The following CTDSPL2 variants were observed in gnomAD, a reference collection of about 807,000 sequenced individuals.
The protein encoded by CTDSPL2 is CTD small phosphatase-like protein 2.
Under a neutral mutation model 60.0 loss-of-function variants are expected in CTDSPL2, and 5 were observed. That is an observed-to-expected ratio of 0.08 (90% CI 0.04 to 0.18). The LOEUF (loss-of-function observed/expected upper bound fraction) is 0.18, where lower values mean the gene tolerates loss of function less well. Among genes scored for constraint, CTDSPL2 ranks in the 10% least tolerant of loss-of-function variants. The pLI is 1.00. For missense variants in CTDSPL2, 370 were observed against 548.8 expected, an observed-to-expected ratio of 0.67 and a Z score of 3.26; for synonymous variants, 186 against 189.3, an observed-to-expected ratio of 0.98 and a Z score of 0.14.
intron 5 of CTDSPL2, among the ~76,000 whole-genome samples, chr15:44,494,066 A>G (rs2140814401): frequency 1.3e-5 from 2 of 152,320 alleles, no homozygotes; most frequent in East Asian, 3.9e-4. Flanking sequence ...CTATAGAAAG[A>G]CTATAGAAAT....
chr15:44,437,077 C>T (rs1034741537), intron 1 of CTDSPL2, among the ~76,000 whole-genome samples: 10 of 152,290 alleles, frequency 6.6e-5, no homozygotes, highest in Non-Finnish European at 1.2e-4. Flanking sequence ...ACAGTTTTGA[C>T]TGCATTTTGA....
intron 2 of CTDSPL2, among the ~76,000 whole-genome samples, chr15:44,483,269 A>G (rs1019102236): frequency 2.0e-5 from 3 of 151,896 alleles, no homozygotes; most frequent in African/African-American, 7.2e-5. Context: ...TCTCAAAAAA[A>G]AAAAAAAGAA....
chr15:44,456,881 T>TTTTTTTTTTTTTTTTTTTTTTTG (rs2080457745), intron 1 of CTDSPL2, among the ~76,000 whole-genome samples: 1 of 146,114 alleles, frequency 6.8e-6, no homozygotes, highest in African/African-American at 2.6e-5. Context: ...TTTTTTTGTT[T>TTTTTTTTTTTTTTTTTTTTTTTG]TTTTTTCTTT....
chr15:44,478,861 A>T (rs2080971777), intron 2 of CTDSPL2, among the ~76,000 whole-genome samples: 1 of 152,096 alleles, frequency 6.6e-6, no homozygotes, highest in Admixed American at 6.6e-5. Flanking sequence ...AGGCACCTGT[A>T]ATCCCAGCTA....
chr15:44,493,637 A>C (rs971854005), intron 5 of CTDSPL2, among the ~76,000 whole-genome samples: 57 of 152,064 alleles, frequency 3.7e-4, no homozygotes, highest in African/African-American at 1.4e-3. Context: ...CTACAAAAAC[A>C]ACAACAAAAA....
chr15:44,506,797 C>T (rs1022036215), intron 8 of CTDSPL2, among the ~76,000 whole-genome samples: 12 of 151,758 alleles, frequency 7.9e-5, no homozygotes, highest in African/African-American at 1.9e-4. Flanking sequence ...GACAGAGTCT[C>T]GCTCTGTCGC....
intron 2 of CTDSPL2, among the ~76,000 whole-genome samples, chr15:44,483,748 G>GAGGT (rs2081071354): frequency 6.6e-6 from 1 of 152,094 alleles, no homozygotes; most frequent in Non-Finnish European, 1.5e-5. Flanking sequence ...TTGAATAATT[G>GAGGT]AGGTAGGCAG....
rs528415278 is a variant in CTDSPL2, at chr15:44,488,498, G to C, written c.475+1798G>C. Among the ~76,000 whole-genome samples, 8 of 152,234 alleles carry C rather than the reference G, an allele frequency of 5.3e-5. No homozygotes were observed. The East Asian group carries it at 1.5e-3, about 29-fold the overall frequency. On this transcript the variant is annotated intron_variant, in intron 4 of 12. Coordinates refer to ENST00000260327, the MANE Select transcript of CTDSPL2 (RefSeq NM_016396.3). ...GTAATTTGGACCATGCTGAGTTTGA[G>C]ATGCCATGAAATATTTAAATAAAAA...
chr15:44,428,660 T>A (rs2079796319), intron 1 of CTDSPL2, among the ~76,000 whole-genome samples: 1 of 152,234 alleles, frequency 6.6e-6, no homozygotes, highest in African/African-American at 2.4e-5. Context: ...TTTATCTTCC[T>A]AATGCTGGTA....
At chr15:44,487,376 A>G (rs560875220) in intron 4 of CTDSPL2, among the ~76,000 whole-genome samples, 5 of 152,284 alleles carry the variant, frequency 3.3e-5, no homozygotes, top group South Asian at 2.1e-4. Context: ...GAATGCTTCA[A>G]TCCAGCAGTT....
intron 10 of CTDSPL2, among the ~76,000 whole-genome samples, chr15:44,516,018 C>T (rs1278125940): frequency 7.2e-6 from 1 of 139,394 alleles, no homozygotes; most frequent in African/African-American, 2.7e-5. Context: ...GATTCTCACT[C>T]TGTTGCCCAG....
rs184634803 is a variant in CTDSPL2 at position 44,494,444 on chromosome 15, C to T, written c.692-1936C>T. Among the ~76,000 whole-genome samples the T allele has an allele frequency of 1.7e-3, 257 of 151,850 alleles. 1 individual carries two copies. The highest frequency in any genetic ancestry group is 6.0e-3 in the African/African-American group (249 of 41,422). ...AGCATAACAAGATACTTTTTTGTCT[C>T]CACAAAAAAATTTTTAAAAATAATC... On this transcript the variant is annotated intron_variant, in intron 5 of 12. Transcript: ENST00000260327.
chr15:44,515,986 C>CTTTTTTTTTT (rs562541301), intron 10 of CTDSPL2, among the ~76,000 whole-genome samples: 2 of 132,974 alleles, frequency 1.5e-5, no homozygotes, highest in African/African-American at 2.8e-5. Flanking sequence ...CTTTCTTTTT[C>CTTTTTTTTTT]TTTTTTTTTT....
At chr15:44,508,966 C>A (rs1172843914) in intron 8 of CTDSPL2, among the ~76,000 whole-genome samples, 1 of 152,044 alleles carries the variant, frequency 6.6e-6, no homozygotes, top group Non-Finnish European at 1.5e-5. Flanking sequence ...GCCTAAAAAT[C>A]ATTTAGAAAT....
intron 1 of CTDSPL2, among the ~76,000 whole-genome samples, chr15:44,439,544 G>T (rs373103045): frequency 7.6e-4 from 98 of 128,858 alleles, no homozygotes; most frequent in East Asian, 2.7e-3. Flanking sequence ...TGTTTTTTTT[G>T]GGGGGGGGGG....
At chr15:44,500,084 G>A (rs1033006667) in intron 8 of CTDSPL2, among the ~76,000 whole-genome samples, 3 of 152,166 alleles carry the variant, frequency 2.0e-5, no homozygotes, top group African/African-American at 7.2e-5. Flanking sequence ...GGTGGAGGCA[G>A]GAGCACTGAC....
At chr15:44,512,548 G>T (rs2081584241) in intron 8 of CTDSPL2, among the ~76,000 whole-genome samples, 1 of 152,132 alleles carries the variant, frequency 6.6e-6, no homozygotes, top group African/African-American at 2.4e-5. Context: ...AAATGATTTT[G>T]TTAGTAAAAT....
At chr15:44,479,272 T>G (rs2080980785) in intron 2 of CTDSPL2, among the ~76,000 whole-genome samples, 2 of 152,012 alleles carry the variant, frequency 1.3e-5, no homozygotes, top group Non-Finnish European at 2.9e-5. Context: ...GGTATAATCT[T>G]TTGTTTACTC....
At chr15:44,521,560 A>G (rs538290594) in intron 12 of CTDSPL2, among the ~76,000 whole-genome samples, 154 bp downstream of exon 12, 104 of 152,310 alleles carry the variant, frequency 6.8e-4, no homozygotes, top group Admixed American at 1.1e-3. Context: ...AGTGCCAGCT[A>G]CTTTAGAGTC....
Sources: gnomAD v4.1 joint callset for allele counts (sites outside exome capture counted in the v4.1 genomes callset) on GRCh38, gnomAD v4.1.1 for gene constraint, MANE v1.5 for transcripts, NCBI Gene and HGNC (gene_info 2026-07-23, HGNC 2026-07-21) for gene names.